KLF12: variants seen among roughly 807,000 people sequenced by gnomAD.
The protein encoded by KLF12 is KLF transcription factor 12, also known as Krueppel-like factor 12.
Under a neutral mutation model 37.8 loss-of-function variants are expected in KLF12, and 9 were observed. The observed-to-expected ratio is 0.24, with a 90% CI of 0.14 to 0.42. KLF12 has a LOEUF of 0.42. Among genes scored for constraint, KLF12 ranks in the 10% least tolerant of loss-of-function variants. KLF12 has a pLI of 1.00. For missense variants in KLF12, 411 were observed against 516.0 expected, an observed-to-expected ratio of 0.80 and a Z score of 1.97; for synonymous variants, 208 against 202.1, an observed-to-expected ratio of 1.03 and a Z score of -0.25.
chr13:73,972,479 G>A (rs1891376654), intron 2 of KLF12, among the ~76,000 whole-genome samples: 1 of 151,498 alleles, frequency 6.6e-6, no homozygotes, highest in African/African-American at 2.4e-5. Flanking sequence ...ATTTCCTTAT[G>A]AGACATCTCA....
At chr13:74,041,689 T>C (rs1454319630) in intron 1 of KLF12, among the ~76,000 whole-genome samples, 1 of 103,468 alleles carries the variant, frequency 9.7e-6, no homozygotes, top group East Asian at 3.3e-4. Context: ...AGATCGCTGA[T>C]TTACACACAC....
the KLF12 span, among the ~76,000 whole-genome samples, chr13:74,151,676 A>G: frequency 7.0e-6 from 1 of 143,572 alleles, no homozygotes; most frequent in Non-Finnish European, 1.6e-5. Context: ...ATAAATAAAT[A>G]AGAAGATTCT....
the KLF12 span, among the ~76,000 whole-genome samples, chr13:74,263,214 C>T: frequency 6.6e-6 from 1 of 152,102 alleles, no homozygotes; most frequent in Non-Finnish European, 1.5e-5. Context: ...TAATGTAATG[C>T]TCCTTGTACA....
chr13:73,873,327 C>T (rs1680865163), intron 3 of KLF12, among the ~76,000 whole-genome samples: 2 of 152,078 alleles, frequency 1.3e-5, no homozygotes, highest in South Asian at 4.2e-4. Flanking sequence ...TGCCAGACAA[C>T]TGAAAAGAGA....
chr13:73,958,026 T>C (rs1890897965), intron 2 of KLF12, among the ~76,000 whole-genome samples: 1 of 152,190 alleles, frequency 6.6e-6, no homozygotes, highest in African/African-American at 2.4e-5. Flanking sequence ...TTTTCGCACA[T>C]GCAGTTTTGT....
intron 3 of KLF12, among the ~76,000 whole-genome samples, chr13:73,895,285 G>C (rs1326619777): frequency 6.6e-6 from 1 of 152,190 alleles, no homozygotes; most frequent in Non-Finnish European, 1.5e-5. Flanking sequence ...TGAGATCCTA[G>C]AACGGCTCCC....
chr13:73,977,054 T>G (rs1275905005), intron 2 of KLF12, among the ~76,000 whole-genome samples: 2 of 149,978 alleles, frequency 1.3e-5, no homozygotes, highest in Non-Finnish European at 3.0e-5. Flanking sequence ...CAACATACTT[T>G]TTTTTTTTTT....
At chr13:73,758,510 C>T (rs780237153) in intron 6 of KLF12, among the ~76,000 whole-genome samples, 36 of 152,208 alleles carry the variant, frequency 2.4e-4, no homozygotes, top group Middle Eastern at 3.4e-3. Flanking sequence ...TAGCACCACA[C>T]CTGGGTACAG....
chr13:74,103,822 A>G (rs1315709247), intron 1 of KLF12, among the ~76,000 whole-genome samples: 1 of 152,244 alleles, frequency 6.6e-6, no homozygotes, highest in Admixed American at 6.5e-5. Flanking sequence ...TACAAAGATT[A>G]TACATAAAAA....
chr13:74,250,882 C>A, the KLF12 span, among the ~76,000 whole-genome samples: 1 of 152,146 alleles, frequency 6.6e-6, no homozygotes, highest in Non-Finnish European at 1.5e-5. Context: ...AACATGCCAA[C>A]ATTCAAAGAA....
intron 3 of KLF12, among the ~76,000 whole-genome samples, chr13:73,915,689 A>ATTTTTTTTTTTT (rs140697314): frequency 7.1e-5 from 7 of 99,150 alleles, no homozygotes; most frequent in African/African-American, 2.0e-4. Context: ...ATTTTTTTGT[A>ATTTTTTTTTTTT]TTTTTTTTTT....
chr13:74,085,653 T>C (rs906805039), intron 1 of KLF12, among the ~76,000 whole-genome samples: 1 of 152,222 alleles, frequency 6.6e-6, no homozygotes, highest in African/African-American at 2.4e-5. Flanking sequence ...TCCTGAACTG[T>C]GATCCACTAG....
At position 73,776,834 on chromosome 13, in the gene KLF12, T is replaced by C. The variant is rs140997967; in HGVS notation, c.807-11834A>G. ...TGGTTGCTTATGAAGCACTCTACCA[T>C]TGTGATTTTAAAAAAATACATGAAC... On this transcript the variant is annotated intron_variant, in intron 5 of 7. Transcript: ENST00000377669. Among the ~76,000 whole-genome samples the C allele has an allele frequency of 2.6e-5, 4 of 152,270 alleles. No homozygotes were observed. In the East Asian group the frequency reaches 7.7e-4, roughly 29 times the overall value.
intron 1 of KLF12, among the ~76,000 whole-genome samples, chr13:74,077,897 T>C (rs1413287313): frequency 6.6e-6 from 1 of 152,240 alleles, no homozygotes. Context: ...GAGGGAGATG[T>C]GTTTGTCTTT....
intron 6 of KLF12, among the ~76,000 whole-genome samples, chr13:73,739,237 TTAATAATAA>T (rs138002893): frequency 0.51 from 72,939 of 143,478 alleles, 20,521 homozygotes; most frequent in East Asian, 0.68. Flanking sequence ...CTGTCTCAAA[TTAATAATAA>T]TAATAATAAT....
chr13:74,287,022 T>C, the KLF12 span, among the ~76,000 whole-genome samples: 1 of 152,192 alleles, frequency 6.6e-6, no homozygotes, highest in East Asian at 1.9e-4. Context: ...TATTTTAAAG[T>C]AAGCTTTATA....
chr13:74,254,951 C>T, the KLF12 span, among the ~76,000 whole-genome samples: 1 of 152,148 alleles, frequency 6.6e-6, no homozygotes, highest in Non-Finnish European at 1.5e-5. Context: ...GGGAACAGTT[C>T]TTCTCACTTT....
At chr13:74,239,359 C>A in the KLF12 span, among the ~76,000 whole-genome samples, 12 of 137,250 alleles carry the variant, frequency 8.7e-5, no homozygotes, top group Non-Finnish European at 1.6e-4. Flanking sequence ...CTTTACTTCC[C>A]AGTATGTGGT....
chr13:74,014,437 A>G (rs1396536167), intron 1 of KLF12, among the ~76,000 whole-genome samples: 1 of 152,240 alleles, frequency 6.6e-6, no homozygotes, highest in Non-Finnish European at 1.5e-5. Context: ...TTAGGGTACT[A>G]AGGCTGTTAT....
Sources: allele counts gnomAD v4.1 joint callset (sites outside exome capture counted in the v4.1 genomes callset), GRCh38; gene constraint gnomAD v4.1.1; transcripts MANE v1.5; gene names NCBI Gene and HGNC (gene_info 2026-07-23, HGNC 2026-07-21).